Variants in RIPOR2 observed in about 807,000 individuals in gnomAD.
RIPOR2 encodes RHO family interacting cell polarization regulator 2.
RIPOR2 carries 39 observed loss-of-function variants against 114.5 expected under a neutral mutation model. That is an observed-to-expected ratio of 0.34 (90% CI 0.26 to 0.44). The LOEUF (loss-of-function observed/expected upper bound fraction) is 0.44, where lower values mean the gene tolerates loss of function less well. RIPOR2 is among the 20% of genes least tolerant of loss of function. RIPOR2 has a pLI of 1.00. For missense variants in RIPOR2, 1,007 were observed against 1,255.1 expected, an observed-to-expected ratio of 0.80 and a Z score of 2.99; for synonymous variants, 445 against 484.4, an observed-to-expected ratio of 0.92 and a Z score of 1.07.
At chr6:24,953,909 C>T (rs532679495) in intron 1 of RIPOR2, among the ~76,000 whole-genome samples, 307 of 140,162 alleles carry the variant, frequency 2.2e-3, no homozygotes, top group Non-Finnish European at 3.3e-3. Flanking sequence ...GTAAAACTTA[C>T]GTTCATTAAA....
In RIPOR2 at chr6:24,848,144, C is replaced by T. The variant is rs35331811; in HGVS notation, c.1045G>A (p.Val349Met). 14,543 of 1,613,324 alleles carry T rather than the reference C, an allele frequency of 9.0e-3. 130 individuals carry two copies. Among genetic ancestry groups the T allele is most frequent in the Admixed American group, 0.041 (2,469 of 59,894 alleles). ...NLEITWYPFD[V>M]EDMTASSGAG... is the part of the protein sequence containing the mutation. ...CCTGAGGATGCGGTCATGTCCTCCA[C>T]GTCAAATGGACTGCAAAACAACAGG... Residue 349 changes from valine to methionine, a missense_variant, in exon 12 of 22, where the codon GTG becomes ATG. Coordinates refer to ENST00000643898, the MANE Select transcript of RIPOR2 (RefSeq NM_001286445.3).
At chr6:24,939,993 T>A (rs1249836618), upstream of RIPOR2, among the ~76,000 whole-genome samples, 2 of 152,224 alleles carry the variant, frequency 1.3e-5, no homozygotes, top group African/African-American at 4.8e-5. Context: ...TGGTCCTTGC[T>A]TTGTGGAACT....
chr6:24,850,463 G>T, intron 10 of RIPOR2, 134 bp downstream of exon 10: 1 of 892,160 alleles, frequency 1.1e-6, no homozygotes. Flanking sequence ...GAGGGCAGCT[G>T]TCTTTGTAAT....
intron 1 of RIPOR2, among the ~76,000 whole-genome samples, chr6:24,956,121 G>A (rs1161514197): frequency 1.3e-5 from 2 of 152,014 alleles, no homozygotes; most frequent in African/African-American, 4.8e-5. Flanking sequence ...AAAATCACAT[G>A]TAACTCAAAC....
intron 1 of RIPOR2, among the ~76,000 whole-genome samples, chr6:25,021,083 T>C (rs867892922): frequency 6.6e-5 from 10 of 152,318 alleles, no homozygotes; most frequent in African/African-American, 2.2e-4. Context: ...GGTCTCGAAC[T>C]CCTGACCTCA....
At position 25,003,420 on chromosome 6, in the gene RIPOR2, T is replaced by C. The variant is rs1053511003; in HGVS notation, c.76+38431A>G. Among the ~76,000 whole-genome samples, 49 of 130,546 alleles carry C rather than the reference T, an allele frequency of 3.8e-4. 1 individual carries two copies. Among genetic ancestry groups the C allele is most frequent in the South Asian group, 3.7e-3 (14 of 3,752 alleles). 85.6% of individuals were successfully genotyped at this position (130,546 alleles called of 152,430 possible). A position where few individuals can be genotyped will look rare whatever the true frequency, so the allele number is the denominator to read the frequency against. ...TTATTATTATTATTATTATTATTATTATTATCATCTCCTTTTTCTTCTTTT... is the reference window on the plus strand; with the variant it reads ...TTATTATTATTATTATTATTATTATCATTATCATCTCCTTTTTCTTCTTTT... On this transcript the variant is annotated intron_variant, in intron 1 of 13. Transcript: ENST00000510784.
chr6:25,006,644 G>A (rs910894293), intron 1 of RIPOR2, among the ~76,000 whole-genome samples: 2 of 152,180 alleles, frequency 1.3e-5, no homozygotes, highest in Non-Finnish European at 2.9e-5. Flanking sequence ...CTGGGAGGTG[G>A]CTCTGTGGAG....
At chr6:24,850,806 TA>T in intron 9 of RIPOR2, 84 bp from the exon 10 acceptor site, 1 of 1,468,018 alleles carries the variant, frequency 6.8e-7, no homozygotes, top group Non-Finnish European at 9.5e-7. Flanking sequence ...GAGAAAGACC[TA>T]AAGCCACTGC....
chr6:24,869,481 C>A (rs2113868573), intron 5 of RIPOR2, among the ~76,000 whole-genome samples: 1 of 152,106 alleles, frequency 6.6e-6, no homozygotes, highest in East Asian at 1.9e-4. Context: ...CCATGCCTGG[C>A]TAATTTTTGT....
At chr6:24,932,360 G>T (rs1289938435) in intron 1 of RIPOR2, among the ~76,000 whole-genome samples, 1 of 152,030 alleles carries the variant, frequency 6.6e-6, no homozygotes, top group African/African-American at 2.4e-5. Context: ...GAGAGAAAAA[G>T]AGAGAGAAGA....
At chr6:24,862,142 A>G (rs1764127553) in intron 7 of RIPOR2, among the ~76,000 whole-genome samples, 1 of 152,250 alleles carries the variant, frequency 6.6e-6, no homozygotes, top group East Asian at 1.9e-4. Flanking sequence ...GGACCTAAAT[A>G]GAACAATTGC....
At chr6:25,004,088 T>A (rs1775438363) in intron 1 of RIPOR2, among the ~76,000 whole-genome samples, 1 of 152,188 alleles carries the variant, frequency 6.6e-6, no homozygotes, top group African/African-American at 2.4e-5. Context: ...AACCAAGGGA[T>A]ATTATGGTTG....
chr6:24,879,301 G>C (rs919552088), intron 1 of RIPOR2, among the ~76,000 whole-genome samples: 1 of 152,168 alleles, frequency 6.6e-6, no homozygotes, highest in Non-Finnish European at 1.5e-5. Flanking sequence ...AGAGGAGATC[G>C]CGCCACTGTA....
intron 1 of RIPOR2, among the ~76,000 whole-genome samples, chr6:25,003,304 G>A (rs1205570311): frequency 6.6e-6 from 1 of 151,782 alleles, no homozygotes; most frequent in Non-Finnish European, 1.5e-5. Flanking sequence ...TGGGTAAGAG[G>A]TATCTCAAGA....
At position 24,806,488 on chromosome 6, in the gene RIPOR2, T is replaced by A. The variant is rs779486427; in HGVS notation, c.3044-15A>T. The A allele has an allele frequency of 6.6e-6, 10 of 1,518,600 alleles. No individual in the cohort carries two copies. Among genetic ancestry groups the A allele is most frequent in the Admixed American group, 2.1e-5 (1 of 48,142 alleles). 94.1% of individuals were successfully genotyped at this position (1,518,600 alleles called of 1,614,324 possible). A position where few individuals can be genotyped will look rare whatever the true frequency, so the allele number is the denominator to read the frequency against. ...CCCATCTTCTCCTAAATACAGAACA[T>A]TAAACATGAATACCAATTCAAACAA... On this transcript the variant is annotated splice_polypyrimidine_tract_variant and intron_variant, in intron 21 of 21. Coordinates refer to ENST00000643898, the MANE Select transcript of RIPOR2 (RefSeq NM_001286445.3).
At chr6:24,965,568 A>G (rs1438726408) in intron 1 of RIPOR2, among the ~76,000 whole-genome samples, 1 of 152,224 alleles carries the variant, frequency 6.6e-6, no homozygotes, top group African/African-American at 2.4e-5. Context: ...TTCTTTAAAC[A>G]TATTAAACAT....
intron 20 of RIPOR2, 39 bp downstream of exon 20, chr6:24,818,503 A>T: frequency 7.3e-7 from 1 of 1,372,032 alleles, no homozygotes; most frequent in South Asian, 1.3e-5. Context: ...GCCTGGCTCC[A>T]AGCTGAGCTG....
At chr6:24,871,410 G>A (rs924702875) in intron 4 of RIPOR2, among the ~76,000 whole-genome samples, 1 of 152,226 alleles carries the variant, frequency 6.6e-6, no homozygotes, top group African/African-American at 2.4e-5. Context: ...GGAGTGCAGT[G>A]GCACGATCTC....
At chr6:24,960,905 C>T (rs759341123) in intron 1 of RIPOR2, among the ~76,000 whole-genome samples, 2 of 152,128 alleles carry the variant, frequency 1.3e-5, no homozygotes, top group African/African-American at 4.8e-5. Flanking sequence ...CCAAGACTCT[C>T]CCCAGTCATA....
Sources: gnomAD v4.1 joint callset for allele counts (sites outside exome capture counted in the v4.1 genomes callset) on GRCh38, gnomAD v4.1.1 for gene constraint, MANE v1.5 for transcripts, NCBI Gene and HGNC (gene_info 2026-07-23, HGNC 2026-07-21) for gene names.